Variants in PTPRU observed in about 807,000 individuals in gnomAD.
PTPRU encodes the protein protein tyrosine phosphatase receptor type U.
In PTPRU, 69 loss-of-function variants were observed where a neutral mutation model predicts 166.3. The observed-to-expected ratio is 0.41, with a 90% CI of 0.34 to 0.51. The LOEUF (loss-of-function observed/expected upper bound fraction) is 0.51, where lower values mean the gene tolerates loss of function less well. Ranked by LOEUF, PTPRU falls within the 20% of genes least tolerant of loss-of-function variation. The pLI, the probability that PTPRU is intolerant of heterozygous loss-of-function variation, is 0.09. For missense variants in PTPRU, 1,657 were observed against 2,013.7 expected, an observed-to-expected ratio of 0.82 and a Z score of 3.39; for synonymous variants, 793 against 814.0, an observed-to-expected ratio of 0.97 and a Z score of 0.44.
Position 29,260,692 on chromosome 1 carries a change from C to T in PTPRU, c.933C>T (p.Ile311=), listed in dbSNP as rs1364063585. 6.3e-7 allele frequency: 1 copy of T among 1,583,632 alleles called. No individual in the cohort carries two copies. Among genetic ancestry groups the T allele is most frequent in the African/African-American group, 1.4e-5 (1 of 73,868 alleles). The change falls in exon 7 of 30, where the codon ATC becomes ATT. Residue 311 remains isoleucine (I), a synonymous_variant. Coordinates refer to ENST00000373779, the MANE Select transcript of PTPRU (RefSeq NM_133178.4). This position sits in a 1 kb window ranked among gnomAD's most constrained non-coding sequence, Gnocchi z 8.3. The part of the protein sequence containing the change: ...YLIIQLNTNS[I]IGDGPIVRKE... ...TCATCCAGCTCAACACCAACTCCATCATTGGCGACGGGCCGATCGTGCGCA... is the reference window on the plus strand; with the variant it reads ...TCATCCAGCTCAACACCAACTCCATTATTGGCGACGGGCCGATCGTGCGCA...
Position 29,259,486 on chromosome 1 carries a change from G to A in PTPRU, c.597G>A (p.Glu199=). 6.2e-7 allele frequency: 1 copy of A among 1,612,328 alleles called. No individual in the cohort carries two copies. ...ACTTCTCCCGCCTGGGCGACGTGGA[G>A]GTCAACGCGGGCCAGAACGCGTCGT... ...APHFSRLGDV[E]VNAGQNASFQ... The change falls in exon 5 of 30, where the codon GAG becomes GAA. Residue 199 remains glutamate (E), a synonymous_variant. Transcript: ENST00000373779.
At chr1:29,286,012 C>T (rs1363555594) in intron 14 of PTPRU, among the ~76,000 whole-genome samples, 1 of 152,240 alleles carries the variant, frequency 6.6e-6, no homozygotes, top group African/African-American at 2.4e-5. Context: ...TGCTGCCAGG[C>T]TGGGCATACA....
chr1:29,250,573 G>A (rs550223949), intron 1 of PTPRU, among the ~76,000 whole-genome samples: 4 of 152,306 alleles, frequency 2.6e-5, no homozygotes, highest in African/African-American at 7.2e-5. Flanking sequence ...AGGATTCACC[G>A]GCTCAGGTGG....
chr1:29,316,676 C>T (rs1233773992), intron 24 of PTPRU, among the ~76,000 whole-genome samples: 2 of 152,204 alleles, frequency 1.3e-5, no homozygotes, highest in East Asian at 1.9e-4. Flanking sequence ...CTCAGACCTG[C>T]ACCTGGCCGC....
chr1:29,303,698 A>C (rs1041314813), intron 15 of PTPRU, among the ~76,000 whole-genome samples, 157 bp from the exon 16 acceptor site: 20 of 152,184 alleles, frequency 1.3e-4, no homozygotes, highest in Non-Finnish European at 2.6e-4. Context: ...TCAGGACCAC[A>C]CAGGGTGGGC....
rs577545200 is a variant in PTPRU at position 29,251,531 on chromosome 1, G to T, written c.74-3744G>T. 1.4e-4 allele frequency among the ~76,000 whole-genome samples: 22 copies of T among 152,330 alleles called. No homozygotes were observed. In the South Asian group the frequency reaches 2.9e-3, roughly 20 times the overall value. ...CTGGCTGAGGTCGGCCTATTTGGGG[G>T]TCACCAACTTGGATCAGTCTGGCTG... On this transcript the variant is annotated intron_variant, in intron 1 of 29. Transcript: ENST00000373779.
chr1:29,280,648 A>ACT lies in PTPRU; in HGVS notation c.1868+508_1868+509dup, dbSNP rs1281132290. On this transcript the variant is annotated intron_variant, in intron 11 of 29. Transcript: ENST00000373779. This position sits in a 1 kb window ranked among gnomAD's most constrained non-coding sequence, Gnocchi z 4.2. ...CTGGGGAGAGGGTGCTGGAGACAAG[A>ACT]CTGTGTGTGTGTGTGTGTGTGTGTG... 2.4e-5 allele frequency among the ~76,000 whole-genome samples: 3 copies of ACT among 123,490 alleles called. No individual in the cohort carries two copies. Among genetic ancestry groups the ACT allele is most frequent in the East Asian group, 3.2e-4 (1 of 3,124 alleles). 81.0% of individuals were successfully genotyped at this position (123,490 alleles called of 152,430 possible).
intron 18 of PTPRU, among the ~76,000 whole-genome samples, chr1:29,306,533 C>G (rs987738351): frequency 6.6e-6 from 1 of 152,210 alleles, no homozygotes; most frequent in African/African-American, 2.4e-5. Context: ...AGAGAGATCA[C>G]ACAGCTTGAG....
At chr1:29,325,491 G>A in intron 29 of PTPRU, 108 bp from the exon 30 acceptor site, 1 of 1,510,212 alleles carries the variant, frequency 6.6e-7, no homozygotes, top group Non-Finnish European at 9.2e-7. Context: ...CCCGAGGGCG[G>A]GCCTGGGCTC....
At chr1:29,244,745 A>C (rs1684215720) in intron 1 of PTPRU, among the ~76,000 whole-genome samples, 1 of 152,158 alleles carries the variant, frequency 6.6e-6, no homozygotes, top group Non-Finnish European at 1.5e-5. Flanking sequence ...GAATGGGGAT[A>C]ATAATAGGAC....
In PTPRU at chr1:29,314,002, CAT is replaced by C. The variant is rs1336170740; in HGVS notation, c.3227+1297_3227+1298del. ...GACTTCTAAAGCGCAGTTAGTTGCA[CAT>C]GTTTTTGGACTTGTCATAAATGGAA... On this transcript the variant is annotated intron_variant, in intron 22 of 29. Coordinates refer to ENST00000373779, the MANE Select transcript of PTPRU (RefSeq NM_133178.4). 3.3e-5 allele frequency among the ~76,000 whole-genome samples: 5 copies of C among 152,302 alleles called. 1 individual carries two copies. In the South Asian group the frequency reaches 6.2e-4, roughly 19 times the overall value.
At chr1:29,302,065 T>TA (rs1687158469) in intron 15 of PTPRU, among the ~76,000 whole-genome samples, 3 of 152,068 alleles carry the variant, frequency 2.0e-5, no homozygotes, top group African/African-American at 7.2e-5. Flanking sequence ...TTATTGCCCC[T>TA]AAAGACCTCC....
intron 15 of PTPRU, among the ~76,000 whole-genome samples, chr1:29,298,751 TCA>T (rs1687008039): frequency 6.6e-6 from 1 of 152,186 alleles, no homozygotes; most frequent in African/African-American, 2.4e-5. Flanking sequence ...CAGCAGGGTC[TCA>T]GAGTCAGGTG....
At chr1:29,286,162 C>T (rs534342862) in intron 14 of PTPRU, among the ~76,000 whole-genome samples, 4 of 152,242 alleles carry the variant, frequency 2.6e-5, no homozygotes, top group South Asian at 2.1e-4. Flanking sequence ...GAGTGTGCAG[C>T]GGAGTGGAGG....
At chr1:29,240,682 C>T (rs554381073) in intron 1 of PTPRU, among the ~76,000 whole-genome samples, 7 of 152,300 alleles carry the variant, frequency 4.6e-5, no homozygotes, top group African/African-American at 1.4e-4. Flanking sequence ...CTGGCCCCAC[C>T]CCTAGCAGCT....
rs750114977 is a variant in PTPRU at position 29,311,490 on chromosome 1, T to A, written c.2892T>A (p.Arg964=). ...PKPEMVYDFW[R]MVWQEHCSSI... is the part of the protein sequence containing the mutation. ...CTGAGATGGTCTATGACTTCTGGCG[T>A]ATGGTGTGGCAGGAGCACTGTTCCA... The change falls in exon 20 of 30, where the codon CGT becomes CGA. Residue 964 remains arginine (R), a synonymous_variant. Transcript: ENST00000373779. This position sits in a 1 kb window ranked among gnomAD's most constrained non-coding sequence, Gnocchi z 4.1. 2 of 1,613,972 alleles carry A rather than the reference T, an allele frequency of 1.2e-6. No homozygotes were observed. The highest frequency in any genetic ancestry group is 1.7e-6 in the Non-Finnish European group (2 of 1,180,022).
At chr1:29,310,802 A>G (rs1214293217) in intron 19 of PTPRU, 22 bp downstream of exon 19, 2 of 1,611,704 alleles carry the variant, frequency 1.2e-6, no homozygotes, top group East Asian at 2.2e-5. Context: ...TTCTGCCCAC[A>G]TGCGCCTTCC....
chr1:29,289,687 G>A (rs1213354415), intron 14 of PTPRU: 1 of 1,614,048 alleles, frequency 6.2e-7, no homozygotes, highest in Non-Finnish European at 8.5e-7. Flanking sequence ...TGCCAGGAGA[G>A]ACCACTATGC....
At chr1:29,313,911 A>C (rs571244975) in intron 22 of PTPRU, among the ~76,000 whole-genome samples, 91 of 152,316 alleles carry the variant, frequency 6.0e-4, no homozygotes, top group African/African-American at 2.1e-3. Flanking sequence ...CAGTTCCCAG[A>C]AGCCCCCTTG....
Sources: allele counts gnomAD v4.1 joint callset (sites outside exome capture counted in the v4.1 genomes callset), GRCh38; gene constraint gnomAD v4.1.1; non-coding constraint Gnocchi (gnomAD v3.1); transcripts MANE v1.5; gene names NCBI Gene and HGNC (gene_info 2026-07-23, HGNC 2026-07-21).